The following ADGB variants were observed in gnomAD, a reference collection of about 807,000 sequenced individuals.
The protein encoded by ADGB is androglobin, also known as calpain-7-like protein.
ADGB carries 172 observed loss-of-function variants against 210.5 expected under a neutral mutation model. The ratio of observed to expected loss-of-function variants is 0.82; its 90% CI spans 0.72 to 0.93. The LOEUF is 0.93. ADGB is among the 40% of genes least tolerant of loss of function. The pLI, the probability that ADGB is intolerant of heterozygous loss-of-function variation, is 0.00. For missense variants in ADGB, 2,025 were observed against 1,964.8 expected, an observed-to-expected ratio of 1.03 and a Z score of -0.58; for synonymous variants, 658 against 662.7, an observed-to-expected ratio of 0.99 and a Z score of 0.11.
intron 10 of ADGB, among the ~76,000 whole-genome samples, chr6:146,688,996 A>G (rs1776267755): frequency 6.6e-6 from 1 of 152,158 alleles, no homozygotes. Flanking sequence ...TACAAATTAC[A>G]TTATCCAACT....
intron 13 of ADGB, among the ~76,000 whole-genome samples, chr6:146,708,522 C>T (rs1470585170): frequency 1.3e-5 from 2 of 151,866 alleles, no homozygotes; most frequent in African/African-American, 2.4e-5. Context: ...TTATTCAGTA[C>T]CTTGACTATA....
chr6:146,676,167 G>C, intron 8 of ADGB, 146 bp from the exon 9 acceptor site: 1 of 655,094 alleles, frequency 1.5e-6, no homozygotes. Context: ...AATTAGAGGG[G>C]ATCATGTTTT....
At chr6:146,810,535 A>G (rs747435147) in intron 35 of ADGB, among the ~76,000 whole-genome samples, 5 of 152,126 alleles carry the variant, frequency 3.3e-5, no homozygotes, top group Non-Finnish European at 7.4e-5. Context: ...CAATAGTGAT[A>G]TGGAAACAGC....
At chr6:146,800,540 T>TA (rs57551508) in intron 33 of ADGB, among the ~76,000 whole-genome samples, 32 of 151,692 alleles carry the variant, frequency 2.1e-4, no homozygotes, top group East Asian at 1.6e-3. Flanking sequence ...AGCTTTTTTT[T>TA]AAAAAAAAAG....
At chr6:146,638,611 G>A (rs1775460348) in intron 2 of ADGB, among the ~76,000 whole-genome samples, 2 of 62,422 alleles carry the variant, frequency 3.2e-5, no homozygotes, top group South Asian at 6.6e-4. Context: ...TTGTGGGGTG[G>A]GGGGGGGGGG....
chr6:146,635,650 G>T, intron 2 of ADGB, 113 bp downstream of exon 2: 1 of 1,165,508 alleles, frequency 8.6e-7, no homozygotes, highest in Non-Finnish European at 1.1e-6. Flanking sequence ...CATTCAAAAG[G>T]GAAATTTTTT....
rs976718746 is a variant in ADGB, at chr6:146,782,070, C to T, written c.3913C>T (p.His1305Tyr). Residue 1305 changes from histidine (H) to tyrosine (Y), a missense_variant, in exon 30 of 36, where the codon CAC becomes TAC. By Grantham distance (83) the His-to-Tyr change is moderately conservative. Coordinates refer to ENST00000397944, the MANE Select transcript of ADGB (RefSeq NM_024694.4). ...AATTAACTTAGGAAGCCCAGACTCC[C>T]ACACTATTAGTGAGGGACAAAAATC... ...ELINLGSPDS[H>Y]TISEGQKSSV... The T allele has an allele frequency of 1.9e-6, 3 of 1,538,852 alleles. No individual in the cohort carries two copies. Among genetic ancestry groups the T allele is most frequent in the East Asian group, 2.5e-5 (1 of 40,610 alleles).
chr6:146,611,588 A>G (rs1780712311), intron 1 of ADGB, among the ~76,000 whole-genome samples: 2 of 152,170 alleles, frequency 1.3e-5, no homozygotes, highest in Non-Finnish European at 2.9e-5. Flanking sequence ...GTAGCTGCTC[A>G]GGGCCAGAAA....
At chr6:146,721,122 G>T (rs572288721) in intron 16 of ADGB, among the ~76,000 whole-genome samples, 5 of 152,266 alleles carry the variant, frequency 3.3e-5, no homozygotes, top group African/African-American at 1.2e-4. Context: ...TCTGGAACAA[G>T]CATATCCCTC....
chr6:146,693,477 C>T (rs1776360425), intron 12 of ADGB, among the ~76,000 whole-genome samples: 1 of 152,158 alleles, frequency 6.6e-6, no homozygotes. Flanking sequence ...TTCCAGTCTC[C>T]AGAAATGTGA....
At chr6:146,762,927 T>G (rs1336647716) in intron 27 of ADGB, among the ~76,000 whole-genome samples, 6 of 152,208 alleles carry the variant, frequency 3.9e-5, no homozygotes, top group Non-Finnish European at 8.8e-5. Context: ...GTTGAGTGTT[T>G]GCACAAATGA....
In ADGB at chr6:146,672,373, G is replaced by A. The variant is rs1179803308; in HGVS notation, c.993G>A (p.Lys331=). The part of the protein sequence containing the change: ...GKEGKEGKEI[K]DGKEVKDVKE... ...AAGGGAAGGAGGGAAAAGAAATAAA[G>A]GATGGAAAGGAAGTAAAAGACGTGA... Residue 331 remains lysine (K), a synonymous_variant, in exon 8 of 36, where the codon AAG becomes AAA. Transcript: ENST00000397944. The A allele has an allele frequency of 5.8e-6, 9 of 1,551,068 alleles. No homozygotes were observed. Among genetic ancestry groups the A allele is most frequent in the Non-Finnish European group, 7.8e-6 (9 of 1,146,784 alleles).
At chr6:146,661,031 G>A (rs1299847115) in intron 5 of ADGB, among the ~76,000 whole-genome samples, 2 of 151,914 alleles carry the variant, frequency 1.3e-5, no homozygotes, top group Admixed American at 1.3e-4. Context: ...GACCTATAGT[G>A]CTTTCAAGCA....
chr6:146,735,800 A>G (rs1777071124), intron 22 of ADGB, among the ~76,000 whole-genome samples: 1 of 152,180 alleles, frequency 6.6e-6, no homozygotes, highest in African/African-American at 2.4e-5. Flanking sequence ...CACTCAACAT[A>G]TATTTATTGA....
intron 35 of ADGB, among the ~76,000 whole-genome samples, chr6:146,811,693 A>T (rs1778305204): frequency 6.6e-6 from 1 of 151,924 alleles, no homozygotes; most frequent in Non-Finnish European, 1.5e-5. Context: ...TGTTTTTGAG[A>T]TGGACTCTCC....
At chr6:146,757,909 TGAG>T (rs1777432054) in intron 27 of ADGB, among the ~76,000 whole-genome samples, 3 of 151,996 alleles carry the variant, frequency 2.0e-5, no homozygotes, top group Non-Finnish European at 4.4e-5. Context: ...AATAAGACTT[TGAG>T]GAGAATTGAA....
At chr6:146,788,723 C>T in intron 33 of ADGB, 113 bp downstream of exon 33, 2 of 969,166 alleles carry the variant, frequency 2.1e-6, no homozygotes, top group South Asian at 3.2e-5. Flanking sequence ...GAAAAGATGT[C>T]TTTCCGATAT....
chr6:146,699,562 G>A (rs923947136), intron 12 of ADGB, among the ~76,000 whole-genome samples: 39 of 152,032 alleles, frequency 2.6e-4, no homozygotes, highest in Admixed American at 2.3e-3. Context: ...CGACTCGCAC[G>A]CCAATCACCT....
chr6:146,801,850 C>T lies in ADGB; in HGVS notation c.4657C>T (p.Leu1553=), dbSNP rs1249958820. 9.7e-6 allele frequency: 15 copies of T among 1,547,000 alleles called. No homozygotes were observed. Among genetic ancestry groups the T allele is most frequent in the Non-Finnish European group, 1.3e-5 (15 of 1,144,894 alleles). The stretch of plus-strand genomic sequence containing the variant: ...AAGGAAAACAGATACAGATCCTCTG[C>T]TGCAAACAGATGAATTGAATCAGCA... The part of the protein sequence containing the change: ...YVRKTDTDPL[L]QTDELNQQQA... Residue 1553 remains leucine (L), a synonymous_variant, in exon 35 of 36, where the codon CTG becomes TTG. Coordinates refer to ENST00000397944, the MANE Select transcript of ADGB (RefSeq NM_024694.4).
Sources: allele counts gnomAD v4.1 joint callset (sites outside exome capture counted in the v4.1 genomes callset), GRCh38; gene constraint gnomAD v4.1.1; transcripts MANE v1.5; gene names NCBI Gene and HGNC (gene_info 2026-07-23, HGNC 2026-07-21).